CDH13: variants seen among roughly 807,000 people sequenced by gnomAD.
CDH13 encodes the protein cadherin-13.
CDH13 carries 24 observed loss-of-function variants against 63.8 expected under a neutral mutation model. That is an observed-to-expected ratio of 0.38 (90% CI 0.27 to 0.53). CDH13 has a LOEUF of 0.53. Among genes scored for constraint, CDH13 ranks in the 20% least tolerant of loss-of-function variants. The probability of loss-of-function intolerance (pLI) is 0.85; values close to 1 mark genes in which losing one functional copy is unlikely to be tolerated. For synonymous variants in CDH13, 503 were observed against 355.3 expected, an observed-to-expected ratio of 1.42 and a Z score of -4.67; for missense variants, 1,049 against 903.1, an observed-to-expected ratio of 1.16 and a Z score of -2.07.
At chr16:83,421,946 T>A (rs1229652945) in intron 6 of CDH13, among the ~76,000 whole-genome samples, 1 of 152,230 alleles carries the variant, frequency 6.6e-6, no homozygotes, top group African/African-American at 2.4e-5. Flanking sequence ...ATATTTTGGT[T>A]GCTAAAATTG....
Position 83,098,222 on chromosome 16 carries a change from G to A in CDH13, c.367-27163G>A, listed in dbSNP as rs150289947. On this transcript the variant is annotated intron_variant, in intron 3 of 13. Coordinates refer to ENST00000567109, the MANE Select transcript of CDH13 (RefSeq NM_001257.5). The stretch of plus-strand genomic sequence containing the variant: ...ACATCTTTAACTTATCACAGTTCGT[G>A]TTAAATAATATTATAGCATTTCATA... Among the ~76,000 whole-genome samples, 44 of 152,260 alleles carry A rather than the reference G, an allele frequency of 2.9e-4. 1 individual carries two copies. The highest frequency in any genetic ancestry group is 9.6e-4 in the African/African-American group (40 of 41,548).
At chr16:83,475,284 A>G (rs768560672) in intron 6 of CDH13, among the ~76,000 whole-genome samples, 91 of 152,304 alleles carry the variant, frequency 6.0e-4, no homozygotes, top group Non-Finnish European at 1.0e-3. Flanking sequence ...AGTGCAGGCA[A>G]GAGTGCTGTG....
intron 7 of CDH13, among the ~76,000 whole-genome samples, chr16:83,535,703 T>C (rs878863118): frequency 1.3e-5 from 2 of 152,136 alleles, no homozygotes; most frequent in Non-Finnish European, 2.9e-5. Context: ...CCCCAAGATA[T>C]GATAATGTTC....
chr16:83,292,469 G>C (rs1383196152), intron 5 of CDH13, among the ~76,000 whole-genome samples: 1 of 151,994 alleles, frequency 6.6e-6, no homozygotes, highest in Non-Finnish European at 1.5e-5. Flanking sequence ...TGATTGCTTG[G>C]GACACATTTT....
chr16:82,924,325 C>G lies in CDH13; in HGVS notation c.157+65852C>G, dbSNP rs1405925484. 3.3e-5 allele frequency among the ~76,000 whole-genome samples: 5 copies of G among 152,072 alleles called. No individual in the cohort carries two copies. The East Asian group carries it at 5.8e-4, about 18-fold the overall frequency. On this transcript the variant is annotated intron_variant, in intron 2 of 13. Coordinates refer to ENST00000567109, the MANE Select transcript of CDH13 (RefSeq NM_001257.5). ...ATAAAAGCCTTTCCCCAACTTCTCC[C>G]CCTCCTCCAATTCGTAAAAGTCAAC... is the stretch of plus-strand genomic sequence containing the variant.
intron 2 of CDH13, among the ~76,000 whole-genome samples, chr16:82,958,312 A>G (rs749197359): frequency 6.6e-6 from 1 of 152,210 alleles, no homozygotes; most frequent in African/African-American, 2.4e-5. Flanking sequence ...TTCATGCTTG[A>G]TAAATATGAG....
chr16:83,153,880 A>G (rs1232767142), intron 4 of CDH13, among the ~76,000 whole-genome samples: 3 of 152,232 alleles, frequency 2.0e-5, no homozygotes, highest in Non-Finnish European at 2.9e-5. Flanking sequence ...TTTTATATTT[A>G]GAAATTAAGA....
At chr16:83,014,804 G>A (rs1271017687) in intron 2 of CDH13, among the ~76,000 whole-genome samples, 2,233 of 52,586 alleles carry the variant, frequency 0.042, 66 homozygotes, top group Non-Finnish European at 0.058. Flanking sequence ...ATATATATAT[G>A]TATATATATT....
intron 4 of CDH13, among the ~76,000 whole-genome samples, chr16:83,131,522 A>G (rs1006289883): frequency 2.6e-5 from 4 of 152,122 alleles, no homozygotes; most frequent in Admixed American, 6.5e-5. Flanking sequence ...ATAATTTCTC[A>G]GTTTTACCAA....
intron 8 of CDH13, among the ~76,000 whole-genome samples, chr16:83,605,435 G>A (rs1262720600): frequency 1.3e-5 from 2 of 152,184 alleles, no homozygotes; most frequent in Non-Finnish European, 2.9e-5. Context: ...GAGAAGTAAG[G>A]AGGGGGCGCT....
At chr16:82,692,379 G>A (rs143450480) in intron 1 of CDH13, among the ~76,000 whole-genome samples, 7 of 152,300 alleles carry the variant, frequency 4.6e-5, no homozygotes, top group East Asian at 1.9e-4. Context: ...GTATGGTAGC[G>A]GAGGCTTCAC....
intron 5 of CDH13, among the ~76,000 whole-genome samples, chr16:83,287,758 C>T (rs2089356607): frequency 6.6e-6 from 1 of 152,126 alleles, no homozygotes; most frequent in African/African-American, 2.4e-5. Context: ...CCCAAGTCAT[C>T]CCCTCACCTC....
intron 4 of CDH13, among the ~76,000 whole-genome samples, chr16:83,155,528 C>T (rs1022939497): frequency 1.3e-5 from 2 of 152,176 alleles, no homozygotes; most frequent in Non-Finnish European, 2.9e-5. Context: ...GTGACTCTTC[C>T]TCCAGCTCTC....
At chr16:83,592,105 G>C (rs982656114) in intron 7 of CDH13, among the ~76,000 whole-genome samples, 3 of 152,050 alleles carry the variant, frequency 2.0e-5, no homozygotes, top group South Asian at 2.1e-4. Context: ...CCATCTCATT[G>C]TGCTGAGCTC....
At chr16:83,253,992 C>A (rs1040229426) in intron 5 of CDH13, among the ~76,000 whole-genome samples, 2 of 152,118 alleles carry the variant, frequency 1.3e-5, no homozygotes, top group African/African-American at 4.8e-5. Context: ...AGATAGAGAG[C>A]CAGCACCGTG....
chr16:83,067,949 C>G (rs1426677512), intron 3 of CDH13, among the ~76,000 whole-genome samples: 1 of 152,116 alleles, frequency 6.6e-6, no homozygotes, highest in Non-Finnish European at 1.5e-5. Flanking sequence ...CTGGCCTGGG[C>G]TTAAGAAGCC....
chr16:83,265,753 T>TTTTTTTTTTTTTTTTTTTTTTTTTTTTTC, intron 5 of CDH13, among the ~76,000 whole-genome samples: 1 of 132,626 alleles, frequency 7.5e-6, no homozygotes, highest in South Asian at 2.5e-4. Context: ...TTTTTTTTTT[T>TTTTTTTTTTTTTTTTTTTTTTTTTTTTTC]GGTCTGTGTC....
intron 10 of CDH13, among the ~76,000 whole-genome samples, chr16:83,706,001 C>T (rs974246909): frequency 2.0e-5 from 3 of 152,238 alleles, no homozygotes; most frequent in African/African-American, 7.2e-5. Flanking sequence ...GAAACAACAT[C>T]GTTTTCGTGT....
chr16:83,144,629 C>A (rs2036668651), intron 4 of CDH13, among the ~76,000 whole-genome samples: 1 of 152,130 alleles, frequency 6.6e-6, no homozygotes, highest in African/African-American at 2.4e-5. Flanking sequence ...CAGATCCTGC[C>A]AAAGGCAAAA....
Sources: allele counts gnomAD v4.1 joint callset (sites outside exome capture counted in the v4.1 genomes callset), GRCh38; gene constraint gnomAD v4.1.1; transcripts MANE v1.5; gene names NCBI Gene and HGNC (gene_info 2026-07-23, HGNC 2026-07-21).